The following GGA2 variants were observed in gnomAD, a reference collection of about 807,000 sequenced individuals.
The protein encoded by GGA2 is ADP-ribosylation factor-binding protein GGA2.
GGA2 carries 48 observed loss-of-function variants against 79.5 expected under a neutral mutation model. That is an observed-to-expected ratio of 0.60 (90% confidence interval 0.48 to 0.77). GGA2 has a LOEUF of 0.77. Among genes scored for constraint, GGA2 ranks in the 30% least tolerant of loss-of-function variants. The probability of loss-of-function intolerance (pLI) is 0.00; values close to 1 mark genes in which losing one functional copy is unlikely to be tolerated. For synonymous variants in GGA2, 317 were observed against 302.0 expected (o/e 1.05, Z -0.51); for missense variants, 770 against 774.0 (o/e 0.99, Z 0.06).
upstream of GGA2, among the ~76,000 whole-genome samples, chr16:23,514,699 A>C (rs887003228): frequency 6.6e-6 from 1 of 152,082 alleles, no homozygotes; most frequent in Non-Finnish European, 1.5e-5. Context: ...CAATCCTCCC[A>C]AAGTGCTGGG....
intron 4 of GGA2, among the ~76,000 whole-genome samples, chr16:23,493,104 G>C (rs1372060408): frequency 6.6e-6 from 1 of 152,198 alleles, no homozygotes; most frequent in Admixed American, 6.5e-5. Flanking sequence ...CTCCAAGCTG[G>C]AGTTCCTCAT....
chr16:23,503,719 G>A (rs970509271), intron 1 of GGA2, among the ~76,000 whole-genome samples: 3 of 152,150 alleles, frequency 2.0e-5, no homozygotes, highest in South Asian at 2.1e-4. Flanking sequence ...AAAGGAAAAC[G>A]GATTTTCCTA....
chr16:23,493,154 G>T (rs928023406), intron 4 of GGA2, among the ~76,000 whole-genome samples: 2 of 152,216 alleles, frequency 1.3e-5, no homozygotes, highest in Non-Finnish European at 1.5e-5. Flanking sequence ...TCTTAAAAGG[G>T]AAATGTGAAA....
intron 15 of GGA2, chr16:23,469,696 C>A (rs927541994): frequency 2.9e-5 from 6 of 205,386 alleles, no homozygotes; most frequent in African/African-American, 4.6e-5. Context: ...ACCATGCAAC[C>A]CTGGAGCTGT....
intron 13 of GGA2, among the ~76,000 whole-genome samples, chr16:23,477,466 G>A (rs1339043088): frequency 2.6e-5 from 4 of 152,160 alleles, no homozygotes; most frequent in Non-Finnish European, 4.4e-5. Flanking sequence ...CCTTTTGGCT[G>A]AGTGTGGTGG....
upstream of GGA2, chr16:23,524,292 G>A (rs547044329): frequency 2.4e-6 from 3 of 1,259,426 alleles, no homozygotes; most frequent in African/African-American, 3.0e-5. Context: ...CGGGCCCCAG[G>A]CCTCCTTCTG....
intron 1 of GGA2, among the ~76,000 whole-genome samples, chr16:23,506,884 G>A (rs202139118): frequency 0.011 from 540 of 47,284 alleles, 10 homozygotes; most frequent in East Asian, 0.049. Context: ...TCCTCTCTGT[G>A]AGGCCAGGTC....
Position 23,474,946 on chromosome 16 carries a change from G to C in GGA2, c.1408C>G (p.Pro470Ala). 6.2e-7 allele frequency: 1 copy of C among 1,613,132 alleles called. No individual in the cohort carries two copies. The highest frequency in any genetic ancestry group is 8.5e-7 in the Non-Finnish European group (1 of 1,179,146). Residue 470 changes from proline to alanine, a missense_variant, in exon 14 of 17, where the codon CCT (proline) becomes GCT (alanine). Transcript: ENST00000309859. ...LAPSPSSQNT[P>A]LAQVFVPLES... ...AAAGGGACAAACACTTGAGCCAGAG[G>C]TGTATTCTGTGAAGATGGGGAAGGA...
At chr16:23,496,259 C>T (rs977396088) in intron 1 of GGA2, among the ~76,000 whole-genome samples, 44 of 144,588 alleles carry the variant, frequency 3.0e-4, no homozygotes, top group South Asian at 9.0e-4. Flanking sequence ...GCCAAGATTG[C>T]GCCACTGCAC....
In GGA2 at chr16:23,515,636, C is replaced by T. The variant is rs564723255; in HGVS notation, c.61+3951G>A. Reference sequence around the variant, plus strand: ...TTACCCAGCCTCCGATATTTCTTTACAGCAACACAATGACAGACTAACACA... The same window carrying T: ...TTACCCAGCCTCCGATATTTCTTTATAGCAACACAATGACAGACTAACACA... On this transcript the variant is annotated intron_variant, in intron 2 of 5. Coordinates refer to the GGA2 transcript ENST00000569300. Among the ~76,000 whole-genome samples, 14 of 150,426 alleles carry T rather than the reference C, an allele frequency of 9.3e-5. No homozygotes were observed. In the South Asian group the frequency reaches 1.1e-3, roughly 11 times the overall value.
intron 1 of GGA2, among the ~76,000 whole-genome samples, chr16:23,500,591 G>A (rs1281086435): frequency 2.6e-5 from 4 of 152,264 alleles, no homozygotes; most frequent in Non-Finnish European, 5.9e-5. Context: ...TCAAGCAAAG[G>A]TGCAGGCCAA....
chr16:23,509,702 T>C (rs1395356340), intron 1 of GGA2, among the ~76,000 whole-genome samples: 1 of 146,334 alleles, frequency 6.8e-6, no homozygotes, highest in African/African-American at 2.6e-5. Flanking sequence ...CCAACCAGGG[T>C]AACATAATGA....
rs1964420511 is a variant in GGA2, at chr16:23,465,231, CCACT to C, written c.*2355_*2358del. 1.5e-6 allele frequency: 1 copy of C among 654,744 alleles called. No individual in the cohort carries two copies. The highest frequency in any genetic ancestry group is 2.8e-6 in the Non-Finnish European group (1 of 360,696). 40.6% of individuals were successfully genotyped at this position (654,744 alleles called of 1,614,324 possible). A position where few individuals can be genotyped will look rare whatever the true frequency, so the allele number is the denominator to read the frequency against. On this transcript the variant is annotated 3_prime_UTR_variant, in exon 17 of 17. Coordinates refer to ENST00000309859, the MANE Select transcript of GGA2 (RefSeq NM_015044.4). ...GAAATCCTGGGCTCAAGCGGTCATC[CCACT>C]CAGCCTCCCAAAATGCTGGGATTAT... is the stretch of plus-strand genomic sequence containing the variant.
At chr16:23,488,330 C>CT (rs1964741027) in intron 6 of GGA2, among the ~76,000 whole-genome samples, 1 of 152,178 alleles carries the variant, frequency 6.6e-6, no homozygotes, top group Admixed American at 6.5e-5. Flanking sequence ...CAGATCTACA[C>CT]TGGGGTAAGG....
chr16:23,474,831 A>C, intron 14 of GGA2, 73 bp downstream of exon 14: 1 of 1,113,840 alleles, frequency 9.0e-7, no homozygotes, highest in Non-Finnish European at 1.4e-6. Flanking sequence ...ATCAAACTGG[A>C]GTGGAAAAAG....
chr16:23,467,495 T>A lies in GGA2; in HGVS notation c.*95A>T. ...GAGCCTGACGTCAGGATAGGACTCT[T>A]GGCACTCCGCACTGAAACACCGTGA... On this transcript the variant is annotated 3_prime_UTR_variant, in exon 17 of 17. Coordinates refer to ENST00000309859, the MANE Select transcript of GGA2 (RefSeq NM_015044.4). The A allele has an allele frequency of 2.9e-6, 2 of 694,438 alleles. No homozygotes were observed. The highest frequency in any genetic ancestry group is 4.1e-5 in the Admixed American group (2 of 48,512). The allele number at this position is 694,438 out of a possible 1,614,324, so 43.0% of individuals were successfully genotyped here.
At chr16:23,472,708 A>AAAAAT (rs1160643914) in intron 14 of GGA2, among the ~76,000 whole-genome samples, 1 of 151,250 alleles carries the variant, frequency 6.6e-6, no homozygotes, top group South Asian at 2.1e-4. Context: ...ACCTTGTCTC[A>AAAAAT]AAAATAAAAT....
At chr16:23,490,233 G>A (rs1232307201) in intron 5 of GGA2, among the ~76,000 whole-genome samples, 2 of 152,178 alleles carry the variant, frequency 1.3e-5, no homozygotes, top group Non-Finnish European at 2.9e-5. Context: ...TCTGAAGTCT[G>A]ATATAGTAAC....
chr16:23,504,132 C>T (rs184544863), intron 1 of GGA2, among the ~76,000 whole-genome samples: 319 of 151,740 alleles, frequency 2.1e-3, no homozygotes, highest in Non-Finnish European at 4.1e-3. Flanking sequence ...TGCCAGATGT[C>T]CTCAGAACAA....
Sources: allele counts gnomAD v4.1 joint callset (sites outside exome capture counted in the v4.1 genomes callset), GRCh38; gene constraint gnomAD v4.1.1; transcripts MANE v1.5; gene names NCBI Gene and HGNC (gene_info 2026-07-23, HGNC 2026-07-21).